Variants in NEMP2 observed in about 807,000 individuals in gnomAD.
NEMP2 encodes the protein UPF0571 transmembrane protein.
NEMP2 carries 53 observed loss-of-function variants against 54.2 expected under a neutral mutation model. That is an observed-to-expected ratio of 0.98 (90% CI 0.78 to 1.23). The LOEUF (loss-of-function observed/expected upper bound fraction) is 1.23, where lower values mean the gene tolerates loss of function less well. NEMP2 is among the 50% of genes most tolerant of loss of function. The pLI, the probability that NEMP2 is intolerant of heterozygous loss-of-function variation, is 0.00. For synonymous variants in NEMP2, 197 were observed against 190.3 expected, an observed-to-expected ratio of 1.04 and a Z score of -0.29; for missense variants, 455 against 511.3, an observed-to-expected ratio of 0.89 and a Z score of 1.06.
chr2:190,558,801 G>T, the NEMP2 span, among the ~76,000 whole-genome samples: 2 of 152,146 alleles, frequency 1.3e-5, no homozygotes, highest in African/African-American at 4.8e-5. The surrounding 1 kb of genome is among the most constrained non-coding windows in gnomAD (Gnocchi z 4.4). Flanking sequence ...TGTTTTAGAT[G>T]AATGGCTTTT....
At position 190,525,306 on chromosome 2, in the gene NEMP2, T is replaced by A. The variant is rs1318733548; in HGVS notation, c.170A>T (p.Gln57Leu). 9.7e-6 allele frequency: 15 copies of A among 1,550,810 alleles called. No individual in the cohort carries two copies. Among genetic ancestry groups the A allele is most frequent in the Non-Finnish European group, 1.3e-5 (15 of 1,146,484 alleles). ...TSESDCYCYN[Q>L]NSQVEWKYIW... ...GTATTTCCACTCCACTTGGGAATTT[T>A]GATTGTAGCAGTAACAGTCTGACTC... The change falls in exon 2 of 9, where the codon CAA becomes CTA. Residue 57 changes from glutamine (Q) to leucine (L), a missense_variant. Gln to Leu is a moderately radical substitution (Grantham distance 113, BLOSUM62 -2). Transcript: ENST00000409150. The surrounding 1 kb of genome is among the most constrained non-coding windows in gnomAD (Gnocchi z 5.0).
the NEMP2 span, among the ~76,000 whole-genome samples, chr2:190,640,361 G>C: frequency 1.3e-5 from 2 of 150,748 alleles, no homozygotes; most frequent in East Asian, 1.9e-4. Flanking sequence ...TACCAGCAAT[G>C]ATGAGCCCCT....
chr2:190,582,986 A>T, the NEMP2 span, among the ~76,000 whole-genome samples: 2 of 152,204 alleles, frequency 1.3e-5, no homozygotes, highest in African/African-American at 4.8e-5. The surrounding 1 kb of genome is among the most constrained non-coding windows in gnomAD (Gnocchi z 4.6). Flanking sequence ...CCAAGTTCTC[A>T]TATAACTAAG....
the NEMP2 span, among the ~76,000 whole-genome samples, chr2:190,555,333 CAGA>C: frequency 6.6e-6 from 1 of 152,000 alleles, no homozygotes; most frequent in Admixed American, 6.6e-5. The surrounding 1 kb of genome is among the most constrained non-coding windows in gnomAD (Gnocchi z 4.8). Flanking sequence ...GACAAATTGA[CAGA>C]AGGAGGCTTC....
the NEMP2 span, among the ~76,000 whole-genome samples, chr2:190,646,577 C>T: frequency 3.9e-5 from 6 of 152,320 alleles, no homozygotes; most frequent in Non-Finnish European, 7.4e-5. Context: ...CCCACCACTT[C>T]CCCCAGCACC....
the NEMP2 span, among the ~76,000 whole-genome samples, chr2:190,612,336 A>G: frequency 2.0e-5 from 3 of 151,898 alleles, no homozygotes; most frequent in Non-Finnish European, 4.4e-5. Flanking sequence ...TGGTATTTTT[A>G]GTAGAGATGG....
chr2:190,436,241 C>G, the NEMP2 span: 1 of 1,614,024 alleles, frequency 6.2e-7, no homozygotes, highest in Admixed American at 1.7e-5. This position sits in a 1 kb window ranked among gnomAD's most constrained non-coding sequence, Gnocchi z 5.3. Context: ...CTTCTAATTT[C>G]CAAGGTCTTT....
rs1430878330 is a variant in NEMP2, at chr2:190,507,716, C to T, written c.*1473G>A. On this transcript the variant is annotated 3_prime_UTR_variant, in exon 9 of 9. Transcript: ENST00000409150. This position sits in a 1 kb window ranked among gnomAD's most constrained non-coding sequence, Gnocchi z 4.4. ...GGCAAAAACAGACCTGTAAATACTTCAAAGAGGAACTATCATTTGAAAATC... is the reference window on the plus strand; with the variant it reads ...GGCAAAAACAGACCTGTAAATACTTTAAAGAGGAACTATCATTTGAAAATC... 5 of 151,784 alleles carry T rather than the reference C, an allele frequency of 3.3e-5. No individual in the cohort carries two copies. Among genetic ancestry groups the T allele is most frequent in the Non-Finnish European group, 7.4e-5 (5 of 67,964 alleles). The allele number at this position is 151,784 out of a possible 1,614,324, so 9.4% of individuals were successfully genotyped here. A position where few individuals can be genotyped will look rare whatever the true frequency, so the allele number is the denominator to read the frequency against.
chr2:190,449,483 A>T, the NEMP2 span, among the ~76,000 whole-genome samples: 14 of 152,292 alleles, frequency 9.2e-5, no homozygotes, highest in Admixed American at 7.2e-4. Flanking sequence ...CAAAAAAAAA[A>T]AATTAATATC....
At chr2:190,482,903 T>TTTTTTTTGTTTTTTG in the NEMP2 span, among the ~76,000 whole-genome samples, 1 of 86,228 alleles carries the variant, frequency 1.2e-5, no homozygotes, top group Non-Finnish European at 2.2e-5. Flanking sequence ...TTTTTTTTTT[T>TTTTTTTTGTTTTTTG]AGACGGAGTC....
the NEMP2 span, among the ~76,000 whole-genome samples, chr2:190,451,744 G>T: frequency 6.6e-6 from 1 of 152,222 alleles, no homozygotes; most frequent in South Asian, 2.1e-4. The surrounding 1 kb of genome is among the most constrained non-coding windows in gnomAD (Gnocchi z 5.0). Context: ...AATGGCCAGG[G>T]AGAGGGTAAT....
chr2:190,427,313 G>A, the NEMP2 span, among the ~76,000 whole-genome samples: 1 of 152,220 alleles, frequency 6.6e-6, no homozygotes. Context: ...TTATAGCTTG[G>A]TGAGGGCAGA....
the NEMP2 span, chr2:190,497,685 G>C: frequency 1.2e-6 from 2 of 1,614,130 alleles, no homozygotes; most frequent in South Asian, 2.2e-5. The surrounding 1 kb of genome is among the most constrained non-coding windows in gnomAD (Gnocchi z 5.2). Flanking sequence ...CAACTCACAA[G>C]AGACAACCGT....
At chr2:190,574,310 C>T in the NEMP2 span, among the ~76,000 whole-genome samples, 13 of 151,908 alleles carry the variant, frequency 8.6e-5, 1 homozygote, top group South Asian at 2.7e-3. Context: ...TTTTTCTTGG[C>T]TTGAATATGC....
the NEMP2 span, among the ~76,000 whole-genome samples, chr2:190,460,922 C>T: frequency 3.3e-5 from 5 of 152,300 alleles, no homozygotes; most frequent in East Asian, 9.6e-4. Flanking sequence ...TACTGTGTTA[C>T]GTAGACTTTC....
chr2:190,525,405 TTC>T lies in NEMP2; in HGVS notation c.98-29_98-28del. On this transcript the variant is annotated intron_variant, in intron 1 of 8. Coordinates refer to ENST00000409150, the MANE Select transcript of NEMP2 (RefSeq NM_001142645.2). This position sits in a 1 kb window ranked among gnomAD's most constrained non-coding sequence, Gnocchi z 5.0. ...TGAGAGATGGAAAAGGGAATGCATT[TTC>T]TAACTGTTTAATTGCCCAGAATCTT... 7.7e-7 allele frequency: 1 copy of T among 1,302,192 alleles called. No homozygotes were observed. The highest frequency in any genetic ancestry group is 1.1e-6 in the Non-Finnish European group (1 of 933,340). The allele number at this position is 1,302,192 out of a possible 1,614,324, so 80.7% of individuals were successfully genotyped here. A position where few individuals can be genotyped will look rare whatever the true frequency, so the allele number is the denominator to read the frequency against.
chr2:190,555,599 A>C, the NEMP2 span, among the ~76,000 whole-genome samples: 1 of 151,972 alleles, frequency 6.6e-6, no homozygotes, highest in African/African-American at 2.4e-5. This position sits in a 1 kb window ranked among gnomAD's most constrained non-coding sequence, Gnocchi z 4.8. Context: ...TAATGAAATA[A>C]AGCGAGAAGA....
rs1193944053 is a variant in NEMP2, at chr2:190,530,836, TC to T, written c.97+3722del. 1.3e-5 allele frequency among the ~76,000 whole-genome samples: 2 copies of T among 152,124 alleles called. No homozygotes were observed. Among genetic ancestry groups the T allele is most frequent in the African/African-American group, 4.8e-5 (2 of 41,424 alleles). On this transcript the variant is annotated intron_variant, in intron 1 of 8. Transcript: ENST00000409150. This position sits in a 1 kb window ranked among gnomAD's most constrained non-coding sequence, Gnocchi z 4.6. ...TGGTTAATTCTACTAGGATAGAACC[TC>T]CGGTAGCAGATGTAGGCAAACTCAA...
the NEMP2 span, among the ~76,000 whole-genome samples, chr2:190,607,310 C>T: frequency 6.6e-6 from 1 of 152,126 alleles, no homozygotes; most frequent in African/African-American, 2.4e-5. This position sits in a 1 kb window ranked among gnomAD's most constrained non-coding sequence, Gnocchi z 5.2. Flanking sequence ...TCAGGGGCAA[C>T]AGCAAGTGGG....
Sources: gnomAD v4.1 joint callset for allele counts (sites outside exome capture counted in the v4.1 genomes callset) on GRCh38, gnomAD v4.1.1 for gene constraint, Gnocchi (gnomAD v3.1) non-coding constraint, MANE v1.5 for transcripts, NCBI Gene and HGNC (gene_info 2026-07-23, HGNC 2026-07-21) for gene names.